Variants in DENND2A observed in about 807,000 individuals in gnomAD.
DENND2A encodes the protein DENN domain-containing protein 2A.
DENND2A carries 53 observed loss-of-function variants against 105.3 expected under a neutral mutation model. The ratio of observed to expected loss-of-function variants is 0.50; its 90% CI spans 0.40 to 0.63. DENND2A has a LOEUF of 0.63. Ranked by LOEUF, DENND2A falls within the 30% of genes least tolerant of loss-of-function variation. The probability of loss-of-function intolerance (pLI) is 0.00; values close to 1 mark genes in which losing one functional copy is unlikely to be tolerated. For synonymous variants in DENND2A, 522 were observed against 508.4 expected, an observed-to-expected ratio of 1.03 and a Z score of -0.36; for missense variants, 1,138 against 1,279.6, an observed-to-expected ratio of 0.89 and a Z score of 1.69.
chr7:140,592,753 C>A (rs916326078), intron 3 of DENND2A, among the ~76,000 whole-genome samples: 1 of 152,098 alleles, frequency 6.6e-6, no homozygotes, highest in African/African-American at 2.4e-5. Context: ...GCACCTGCCA[C>A]CATGCCTGGC....
At chr7:140,588,153 T>C (rs370209031) in intron 3 of DENND2A, among the ~76,000 whole-genome samples, 5 of 152,074 alleles carry the variant, frequency 3.3e-5, no homozygotes, top group East Asian at 3.9e-4. Context: ...TCAGGTGATC[T>C]GCCTGTCTTG....
At chr7:140,557,051 G>GA (rs554899990) in intron 11 of DENND2A, among the ~76,000 whole-genome samples, 24 of 146,348 alleles carry the variant, frequency 1.6e-4, no homozygotes, top group Middle Eastern at 3.5e-3. Flanking sequence ...TGTTTTATTA[G>GA]AAAAAAAAAA....
At chr7:140,560,019 T>A (rs890045987) in intron 9 of DENND2A, among the ~76,000 whole-genome samples, 3 of 151,774 alleles carry the variant, frequency 2.0e-5, no homozygotes, top group Non-Finnish European at 4.4e-5. Context: ...CTGGGAGAAG[T>A]TGGGAGGAAA....
chr7:140,604,188 G>C (rs1035929433), intron 2 of DENND2A, among the ~76,000 whole-genome samples: 13 of 152,208 alleles, frequency 8.5e-5, no homozygotes, highest in Non-Finnish European at 1.5e-5. Flanking sequence ...CACCGTGAGG[G>C]ATGAATAAGT....
At chr7:140,585,232 CAA>C (rs1335106232) in intron 5 of DENND2A, among the ~76,000 whole-genome samples, 1 of 152,190 alleles carries the variant, frequency 6.6e-6, no homozygotes, top group East Asian at 1.9e-4. Context: ...CCACAAATGG[CAA>C]AATACTTTAA....
At chr7:140,614,393 C>G (rs1800011109) in intron 1 of DENND2A, among the ~76,000 whole-genome samples, 1 of 152,204 alleles carries the variant, frequency 6.6e-6, no homozygotes, top group Non-Finnish European at 1.5e-5. Context: ...GTGTGAGCCA[C>G]CGCACCTGGC....
intron 1 of DENND2A, among the ~76,000 whole-genome samples, chr7:140,618,761 G>T (rs1448822691): frequency 3.3e-5 from 5 of 151,512 alleles, no homozygotes; most frequent in African/African-American, 1.2e-4. Flanking sequence ...TTTTTGGTGT[G>T]TTTGGATCTG....
Position 140,587,637 on chromosome 7 carries a change from C to T in DENND2A, c.1123+16G>A, listed in dbSNP as rs867507728. The T allele has an allele frequency of 7.4e-6, 12 of 1,613,000 alleles. No homozygotes were observed. The highest frequency in any genetic ancestry group is 1.3e-5 in the African/African-American group (1 of 74,888). ...AGACAGACTCAGATCCGCACACAGA[C>T]GCTGTGGCTTCTTACCTAGAATGTC... On this transcript the variant is annotated intron_variant, in intron 4 of 19. Coordinates refer to ENST00000496613, the MANE Select transcript of DENND2A (RefSeq NM_015689.5).
intron 1 of DENND2A, among the ~76,000 whole-genome samples, chr7:140,633,966 C>T (rs915982470): frequency 4.6e-5 from 7 of 151,836 alleles, no homozygotes; most frequent in African/African-American, 1.7e-4. Context: ...AGATAAATTC[C>T]TAAAAATGGA....
chr7:140,617,357 C>A (rs1453661198), intron 1 of DENND2A, among the ~76,000 whole-genome samples: 3 of 152,202 alleles, frequency 2.0e-5, no homozygotes, highest in Non-Finnish European at 4.4e-5. Context: ...GCCTCAGGAC[C>A]AGGAGCATCA....
intron 2 of DENND2A, among the ~76,000 whole-genome samples, chr7:140,605,052 C>G (rs1374101496): frequency 2.6e-5 from 4 of 152,180 alleles, no homozygotes; most frequent in African/African-American, 9.7e-5. Context: ...TTGAGAGGAA[C>G]AAAGGATGGC....
intron 14 of DENND2A, among the ~76,000 whole-genome samples, chr7:140,543,084 A>G (rs1229964579): frequency 1.3e-5 from 2 of 148,390 alleles, no homozygotes; most frequent in Non-Finnish European, 3.0e-5. Context: ...CTGTTACCCC[A>G]CTGCACTGAG....
chr7:140,525,800 A>T lies in DENND2A; in HGVS notation c.2506-8T>A. On this transcript the variant is annotated splice_region_variant and splice_polypyrimidine_tract_variant and intron_variant, in intron 15 of 19. Transcript: ENST00000496613. ...GAGGTCAACCACAAGGACCTATGAG[A>T]TGAGACGAAAGGGACTGTTACTGTC... is the stretch of plus-strand genomic sequence containing the variant. 6.3e-7 allele frequency: 1 copy of T among 1,597,538 alleles called. No homozygotes were observed. Among genetic ancestry groups the T allele is most frequent in the East Asian group, 2.3e-5 (1 of 43,710 alleles).
In DENND2A at chr7:140,523,258, C is replaced by A. The variant is rs749493186; in HGVS notation, c.2665+49G>T. 1.9e-6 allele frequency: 3 copies of A among 1,582,696 alleles called. No homozygotes were observed. In the South Asian group the frequency reaches 3.3e-5, roughly 17 times the overall value. On this transcript the variant is annotated intron_variant, in intron 17 of 19. Coordinates refer to ENST00000496613, the MANE Select transcript of DENND2A (RefSeq NM_015689.5). The surrounding 1 kb of genome is among the most constrained non-coding windows in gnomAD (Gnocchi z 4.5). ...TGGCCACTGCCCATTTGTTCCCTGA[C>A]CCTCAGAGTGGAAGGGAGAGACCCA...
At chr7:140,585,434 G>C (rs79266599) in intron 5 of DENND2A, among the ~76,000 whole-genome samples, 155 bp downstream of exon 5, 4,606 of 152,206 alleles carry the variant, frequency 0.03, 118 homozygotes, top group African/African-American at 0.072. Context: ...AGAACTAGAG[G>C]GAGGAAGACC....
At chr7:140,616,744 A>G (rs1800097791) in intron 1 of DENND2A, among the ~76,000 whole-genome samples, 1 of 152,250 alleles carries the variant, frequency 6.6e-6, no homozygotes, top group South Asian at 2.1e-4. Flanking sequence ...CAAAGAGTTC[A>G]CAGGCATAGT....
intron 1 of DENND2A, among the ~76,000 whole-genome samples, chr7:140,617,243 T>C (rs2130713693): frequency 6.6e-6 from 1 of 152,364 alleles, no homozygotes; most frequent in East Asian, 1.9e-4. Context: ...ACAAAGTGCG[T>C]GCACCTTTTC....
At chr7:140,558,695 CAAAAAAAAAAA>C (rs1232604188) in intron 10 of DENND2A, among the ~76,000 whole-genome samples, 4 of 51,470 alleles carry the variant, frequency 7.8e-5, no homozygotes, top group Non-Finnish European at 1.7e-4. Context: ...GACTCTATCT[CAAAAAAAAAAA>C]AAAAAAAAAA....
intron 1 of DENND2A, among the ~76,000 whole-genome samples, chr7:140,632,864 C>A (rs868758647): frequency 1.4e-3 from 162 of 117,250 alleles, no homozygotes; most frequent in Admixed American, 6.6e-3. Context: ...CATGCCTGGC[C>A]TTTTTTTTTT....
Sources: gnomAD v4.1 joint callset for allele counts (sites outside exome capture counted in the v4.1 genomes callset) on GRCh38, gnomAD v4.1.1 for gene constraint, Gnocchi (gnomAD v3.1) non-coding constraint, MANE v1.5 for transcripts, NCBI Gene and HGNC (gene_info 2026-07-23, HGNC 2026-07-21) for gene names.